The following TBC1D5 variants were observed in gnomAD, a reference collection of about 807,000 sequenced individuals.
The protein encoded by TBC1D5 is TBC1 domain family, member 5.
A neutral mutation model predicts 100.3 loss-of-function variants in TBC1D5; 75 were observed. That is an observed-to-expected ratio of 0.75 (90% CI 0.62 to 0.91). The LOEUF (loss-of-function observed/expected upper bound fraction) is 0.91. TBC1D5 is among the 40% of genes least tolerant of loss of function. TBC1D5 has a pLI of 0.00. For missense variants in TBC1D5, 910 were observed against 942.4 expected (o/e 0.97, Z 0.45); for synonymous variants, 323 against 325.6 (o/e 0.99, Z 0.09).
chr3:17,629,335 T>C (rs2063313151), intron 1 of TBC1D5, among the ~76,000 whole-genome samples: 1 of 152,164 alleles, frequency 6.6e-6, no homozygotes, highest in Non-Finnish European at 1.5e-5. Context: ...ATAAAAAATT[T>C]CAAAAAAGTG....
At chr3:17,374,604 A>C (rs1350936913) in intron 11 of TBC1D5, 25 bp downstream of exon 11, 1 of 1,610,476 alleles carries the variant, frequency 6.2e-7, no homozygotes, top group Admixed American at 1.7e-5. Flanking sequence ...TAAAAAAATA[A>C]AACAAAGAAA....
At chr3:17,663,357 A>T (rs2066868731) in intron 1 of TBC1D5, among the ~76,000 whole-genome samples, 2 of 151,954 alleles carry the variant, frequency 1.3e-5, no homozygotes, top group Admixed American at 6.6e-5. Flanking sequence ...CACAGAAAAA[A>T]AATACTGACG....
intron 3 of TBC1D5, among the ~76,000 whole-genome samples, chr3:17,457,141 G>A (rs1484839577): frequency 6.6e-6 from 1 of 151,986 alleles, no homozygotes; most frequent in African/African-American, 2.4e-5. Context: ...TTATTAGTGT[G>A]AATGATATAC....
At chr3:17,565,269 A>G (rs2096586320) in intron 2 of TBC1D5, among the ~76,000 whole-genome samples, 1 of 152,140 alleles carries the variant, frequency 6.6e-6, no homozygotes, top group Non-Finnish European at 1.5e-5. Flanking sequence ...ACAGTTTTTG[A>G]GTACTATGTT....
At chr3:17,483,528 A>G (rs987694865) in intron 3 of TBC1D5, among the ~76,000 whole-genome samples, 1 of 152,224 alleles carries the variant, frequency 6.6e-6, no homozygotes. Flanking sequence ...GCTTTGGTCC[A>G]TGTTTAAGTA....
chr3:17,517,738 T>C (rs1255627744), intron 2 of TBC1D5, among the ~76,000 whole-genome samples: 3 of 152,178 alleles, frequency 2.0e-5, no homozygotes, highest in Admixed American at 6.5e-5. Context: ...TAAAAATACA[T>C]ACATACAAAT....
chr3:17,534,157 C>G (rs1442525755), intron 2 of TBC1D5, among the ~76,000 whole-genome samples: 3 of 152,130 alleles, frequency 2.0e-5, no homozygotes, highest in African/African-American at 7.2e-5. Flanking sequence ...AGAATTAGTA[C>G]AGTTATACAG....
chr3:17,624,496 T>C (rs773104476), intron 1 of TBC1D5, among the ~76,000 whole-genome samples: 50 of 152,082 alleles, frequency 3.3e-4, no homozygotes, highest in Non-Finnish European at 6.6e-4. Context: ...ACTAATACTG[T>C]AGCATCTGGG....
At chr3:17,364,879 G>C (rs983057089) in intron 13 of TBC1D5, among the ~76,000 whole-genome samples, 1 of 152,124 alleles carries the variant, frequency 6.6e-6, no homozygotes, top group Non-Finnish European at 1.5e-5. Flanking sequence ...TGCTTACAAC[G>C]TGCCAGGTAT....
chr3:17,389,758 G>T lies in TBC1D5; in HGVS notation c.510-5743C>A, dbSNP rs78662123. 3.4e-3 allele frequency among the ~76,000 whole-genome samples: 519 copies of T among 152,232 alleles called. 2 individuals are homozygous for T. The highest frequency in any genetic ancestry group is 0.012 in the African/African-American group (505 of 41,568). On this transcript the variant is annotated intron_variant, in intron 8 of 21. Transcript: ENST00000253692. The stretch of plus-strand genomic sequence containing the variant: ...AATTCTGTTGTTTTAAACTTGGGGT[G>T]ATTTCAATGCAGTGGTAAGTTGGTG...
intron 1 of TBC1D5, among the ~76,000 whole-genome samples, chr3:17,635,697 G>A (rs2063847710): frequency 6.6e-6 from 1 of 152,086 alleles, no homozygotes; most frequent in African/African-American, 2.4e-5. Context: ...ATGACTGAGT[G>A]TTGACACTAT....
intron 8 of TBC1D5, among the ~76,000 whole-genome samples, chr3:17,401,451 T>C (rs1478984006): frequency 6.6e-6 from 1 of 151,696 alleles, no homozygotes; most frequent in Non-Finnish European, 1.5e-5. Context: ...AAACAGAAAA[T>C]ATAGAAGTTT....
intron 15 of TBC1D5, among the ~76,000 whole-genome samples, chr3:17,269,389 G>T (rs1240312629): frequency 6.6e-6 from 1 of 152,074 alleles, no homozygotes; most frequent in Non-Finnish European, 1.5e-5. Context: ...GATTTGTAGT[G>T]GTCTGTTCCC....
At chr3:17,643,271 T>G (rs923147588) in intron 1 of TBC1D5, among the ~76,000 whole-genome samples, 1 of 152,142 alleles carries the variant, frequency 6.6e-6, no homozygotes, top group Non-Finnish European at 1.5e-5. Context: ...ATCATATAAG[T>G]GATGTGCCCT....
intron 1 of TBC1D5, among the ~76,000 whole-genome samples, chr3:17,728,128 A>G (rs908715095): frequency 3.3e-5 from 5 of 152,222 alleles, no homozygotes; most frequent in African/African-American, 1.2e-4. Flanking sequence ...TTTAAAGAGC[A>G]CACACACGCA....
intron 3 of TBC1D5, among the ~76,000 whole-genome samples, chr3:17,485,440 C>G (rs2095552157): frequency 6.6e-6 from 1 of 150,986 alleles, no homozygotes; most frequent in East Asian, 2.0e-4. Context: ...CCCATTAACT[C>G]GTCATTTAGC....
At chr3:17,602,486 A>T (rs1345430784) in intron 2 of TBC1D5, among the ~76,000 whole-genome samples, 1 of 151,974 alleles carries the variant, frequency 6.6e-6, no homozygotes, top group Non-Finnish European at 1.5e-5. Context: ...CATTAAGATT[A>T]AACATTCTAA....
chr3:17,166,877 C>T lies in TBC1D5; in HGVS notation c.1984G>A (p.Ala662Thr). The change falls in exon 21 of 22, where the codon GCC becomes ACC. Residue 662 changes from alanine (A) to threonine (T), a missense_variant. Ala to Thr is a moderately conservative substitution (Grantham distance 58). Transcript: ENST00000253692. The stretch of plus-strand genomic sequence containing the variant: ...ATGGTGATCTGTTCGTTCTCTTCGG[C>T]CTCTAGCTGGCTCTGGTTAAAACGC... The T allele has an allele frequency of 6.2e-7, 1 of 1,614,082 alleles. No individual in the cohort carries two copies. The highest frequency in any genetic ancestry group is 8.5e-7 in the Non-Finnish European group (1 of 1,179,986).
At chr3:17,684,905 T>C (rs1380307749) in intron 1 of TBC1D5, among the ~76,000 whole-genome samples, 1 of 152,026 alleles carries the variant, frequency 6.6e-6, no homozygotes, top group African/African-American at 2.4e-5. Flanking sequence ...TTCATTTCTC[T>C]GAACTGTCCT....
Sources: allele counts gnomAD v4.1 joint callset (sites outside exome capture counted in the v4.1 genomes callset), GRCh38; gene constraint gnomAD v4.1.1; transcripts MANE v1.5; gene names NCBI Gene and HGNC (gene_info 2026-07-23, HGNC 2026-07-21).